Variants in CCDC91 observed in about 807,000 individuals in gnomAD.
CCDC91 encodes coiled-coil domain-containing protein 91.
CCDC91 carries 48 observed loss-of-function variants against 63.2 expected under a neutral mutation model. The observed-to-expected ratio is 0.76, with a 90% CI of 0.60 to 0.97. CCDC91 has a LOEUF of 0.97. CCDC91 is among the 50% of genes least tolerant of loss of function. The pLI is 0.00. For missense variants in CCDC91, 500 were observed against 494.6 expected, an observed-to-expected ratio of 1.01 and a Z score of -0.10; for synonymous variants, 167 against 165.8, an observed-to-expected ratio of 1.01 and a Z score of -0.06.
At chr12:28,226,952 A>G (rs1214921115) in intron 1 of CCDC91, among the ~76,000 whole-genome samples, 1 of 152,154 alleles carries the variant, frequency 6.6e-6, no homozygotes, top group Non-Finnish European at 1.5e-5. Flanking sequence ...AGTATTGGTC[A>G]GACATTTTGT....
intron 6 of CCDC91, among the ~76,000 whole-genome samples, chr12:28,324,897 T>C (rs906354977): frequency 1.3e-5 from 2 of 151,856 alleles, no homozygotes; most frequent in Non-Finnish European, 2.9e-5. Flanking sequence ...ATATTCTCAG[T>C]ATTTAGCACA....
At chr12:28,319,466 A>T (rs1940257114) in intron 6 of CCDC91, 1 of 152,690 alleles carries the variant, frequency 6.5e-6, no homozygotes, top group Non-Finnish European at 1.5e-5. Flanking sequence ...GCAAAGTTAA[A>T]CATTTATTCT....
intron 1 of CCDC91, among the ~76,000 whole-genome samples, chr12:28,239,764 A>C (rs1356318305): frequency 6.6e-6 from 1 of 152,198 alleles, no homozygotes; most frequent in Non-Finnish European, 1.5e-5. Flanking sequence ...TTAGAACTAT[A>C]GACTATATAA....
intron 11 of CCDC91, among the ~76,000 whole-genome samples, chr12:28,472,575 T>G (rs1225067321): frequency 6.6e-6 from 1 of 152,166 alleles, no homozygotes; most frequent in Non-Finnish European, 1.5e-5. Context: ...TCATGAAAAT[T>G]GGTCACAAAT....
At chr12:28,519,555 CTTTTCTTTTTT>C (rs761776489) in intron 12 of CCDC91, among the ~76,000 whole-genome samples, 51 of 151,032 alleles carry the variant, frequency 3.4e-4, no homozygotes, top group Non-Finnish European at 5.2e-4. Context: ...GTATCTTTCT[CTTTTCTTTTTT>C]TTTTCTTTTT....
At chr12:28,513,578 C>T (rs1468317889) in intron 12 of CCDC91, among the ~76,000 whole-genome samples, 1 of 151,780 alleles carries the variant, frequency 6.6e-6, no homozygotes, top group Non-Finnish European at 1.5e-5. Flanking sequence ...ACTTCTGGTC[C>T]CAAGAGGGAT....
intron 1 of CCDC91, among the ~76,000 whole-genome samples, chr12:28,201,062 C>T (rs1942233823): frequency 1.3e-5 from 2 of 149,160 alleles, no homozygotes; most frequent in African/African-American, 4.9e-5. Context: ...CTCCTCACTT[C>T]CCAGTAGAGG....
At chr12:28,296,355 A>G (rs1199775263) in intron 3 of CCDC91, among the ~76,000 whole-genome samples, 1 of 151,952 alleles carries the variant, frequency 6.6e-6, no homozygotes, top group East Asian at 1.9e-4. Flanking sequence ...TTACCCAAAC[A>G]GCCCTCTGGA....
chr12:28,272,022 G>A (rs1306994165), intron 3 of CCDC91, among the ~76,000 whole-genome samples: 1 of 151,588 alleles, frequency 6.6e-6, no homozygotes, highest in Non-Finnish European at 1.5e-5. Context: ...TAAATTGACA[G>A]TTATTTCTTT....
chr12:28,518,049 G>A (rs1320165161), intron 12 of CCDC91, among the ~76,000 whole-genome samples: 1 of 151,962 alleles, frequency 6.6e-6, no homozygotes, highest in Non-Finnish European at 1.5e-5. Context: ...ATGGGTTCCT[G>A]ATGGCTTCCA....
At chr12:28,314,447 G>A (rs1379012015) in intron 6 of CCDC91, among the ~76,000 whole-genome samples, 50 of 152,162 alleles carry the variant, frequency 3.3e-4, no homozygotes, top group Non-Finnish European at 4.4e-5. Context: ...TGGTTAAGGG[G>A]TAGATTAGAT....
At chr12:28,311,048 G>A (rs1332463531) in intron 6 of CCDC91, among the ~76,000 whole-genome samples, 1 of 151,828 alleles carries the variant, frequency 6.6e-6, no homozygotes, top group East Asian at 1.9e-4. Context: ...TTGTATTTTA[G>A]CAGGCCTCAT....
intron 3 of CCDC91, among the ~76,000 whole-genome samples, chr12:28,269,867 C>T (rs1947620690): frequency 6.6e-6 from 1 of 152,008 alleles, no homozygotes; most frequent in African/African-American, 2.4e-5. Context: ...GTTATAAAAT[C>T]CTCCATGATT....
chr12:28,299,683 T>C (rs1462476798), intron 3 of CCDC91, among the ~76,000 whole-genome samples: 1 of 151,700 alleles, frequency 6.6e-6, no homozygotes, highest in Non-Finnish European at 1.5e-5. Context: ...CTATCAGTCC[T>C]GTTTGTTTTT....
rs1468614522 is a variant in CCDC91, at chr12:28,232,089, T to C, written c.-14-25113T>C. Among the ~76,000 whole-genome samples the C allele has an allele frequency of 3.3e-5, 5 of 152,324 alleles. No homozygotes were observed. In the South Asian group the frequency reaches 8.3e-4, roughly 25 times the overall value. ...TCAGTGGTTTGAATCAAACTGAATA[T>C]CCTTTATAAAAAATATGGTGGATCA... On this transcript the variant is annotated intron_variant, in intron 1 of 12. Transcript: ENST00000536442.
intron 12 of CCDC91, among the ~76,000 whole-genome samples, chr12:28,520,141 G>A (rs1294738240): frequency 2.0e-5 from 3 of 152,252 alleles, no homozygotes; most frequent in Admixed American, 6.5e-5. Flanking sequence ...TTGAGGAATC[G>A]CCACACTGAC....
intron 3 of CCDC91, among the ~76,000 whole-genome samples, chr12:28,292,524 C>G (rs2136822104): frequency 6.6e-6 from 1 of 151,934 alleles, no homozygotes; most frequent in East Asian, 1.9e-4. Flanking sequence ...GAGTTGGAGT[C>G]TTTAGTAGGC....
chr12:28,524,617 A>G (rs1941083984), intron 12 of CCDC91, among the ~76,000 whole-genome samples: 1 of 152,102 alleles, frequency 6.6e-6, no homozygotes, highest in Non-Finnish European at 1.5e-5. Context: ...GGCTTCATAG[A>G]ATGATTTAGG....
At chr12:28,383,871 T>A (rs185629198) in intron 7 of CCDC91, among the ~76,000 whole-genome samples, 2 of 152,318 alleles carry the variant, frequency 1.3e-5, no homozygotes, top group East Asian at 3.9e-4. Context: ...GGTTCACTGA[T>A]CTGAAGCTCT....
Sources: allele counts gnomAD v4.1 joint callset (sites outside exome capture counted in the v4.1 genomes callset), GRCh38; gene constraint gnomAD v4.1.1; transcripts MANE v1.5; gene names NCBI Gene and HGNC (gene_info 2026-07-23, HGNC 2026-07-21).